SLC25A21: variants seen among roughly 807,000 people sequenced by gnomAD.
SLC25A21 encodes the protein mitochondrial 2-oxodicarboxylate carrier.
A neutral mutation model predicts 43.8 loss-of-function variants in SLC25A21; 47 were observed. The ratio of observed to expected loss-of-function variants is 1.07; its 90% CI spans 0.85 to 1.37. The LOEUF is 1.37. Among genes scored for constraint, SLC25A21 ranks in the 40% most tolerant of loss-of-function variants. The pLI is 0.00. For synonymous variants in SLC25A21, 131 were observed against 121.3 expected, an observed-to-expected ratio of 1.08 and a Z score of -0.52; for missense variants, 352 against 350.2, an observed-to-expected ratio of 1.00 and a Z score of -0.04.
chr14:37,053,141 G>A (rs1264166115), intron 1 of SLC25A21, among the ~76,000 whole-genome samples: 5 of 152,170 alleles, frequency 3.3e-5, no homozygotes, highest in Non-Finnish European at 7.4e-5. Context: ...AAATTGAATT[G>A]TTGTTAGGCT....
intron 1 of SLC25A21, among the ~76,000 whole-genome samples, chr14:36,911,908 C>G (rs1594687527): frequency 6.6e-6 from 1 of 152,244 alleles, no homozygotes; most frequent in East Asian, 1.9e-4. Flanking sequence ...AGTGCATGCT[C>G]TTAACCACTT....
At chr14:36,706,618 T>C (rs1347779614) in intron 7 of SLC25A21, among the ~76,000 whole-genome samples, 2 of 152,178 alleles carry the variant, frequency 1.3e-5, no homozygotes, top group Admixed American at 6.5e-5. Flanking sequence ...TTTCAGTTGT[T>C]TTCTTTCCCA....
At chr14:37,138,018 T>TG (rs755497834) in intron 1 of SLC25A21, among the ~76,000 whole-genome samples, 3 of 152,214 alleles carry the variant, frequency 2.0e-5, no homozygotes, top group Non-Finnish European at 2.9e-5. Flanking sequence ...GATGCCTTTT[T>TG]GCCTTCATTT....
chr14:37,034,041 G>T (rs1961274874), intron 1 of SLC25A21, among the ~76,000 whole-genome samples: 1 of 151,670 alleles, frequency 6.6e-6, no homozygotes, highest in Admixed American at 6.6e-5. Context: ...TTTTGAGATG[G>T]AGTCTCACTC....
At chr14:36,757,258 A>C (rs1023851945) in intron 3 of SLC25A21, among the ~76,000 whole-genome samples, 2 of 152,178 alleles carry the variant, frequency 1.3e-5, no homozygotes, top group African/African-American at 4.8e-5. Context: ...ATCCTGTCTC[A>C]AATAAAAATA....
chr14:36,836,174 C>G (rs1889202940), intron 2 of SLC25A21, among the ~76,000 whole-genome samples: 1 of 152,152 alleles, frequency 6.6e-6, no homozygotes, highest in Non-Finnish European at 1.5e-5. Flanking sequence ...AACGGGAGTG[C>G]TCTTAAAAAG....
chr14:36,720,966 G>C (rs1884350827), intron 6 of SLC25A21, among the ~76,000 whole-genome samples: 2 of 152,192 alleles, frequency 1.3e-5, no homozygotes, highest in East Asian at 3.9e-4. Context: ...CACACTGAGG[G>C]AGAAGACCCT....
intron 1 of SLC25A21, among the ~76,000 whole-genome samples, chr14:37,036,163 C>T (rs759762916): frequency 2.6e-4 from 39 of 152,106 alleles, no homozygotes; most frequent in Non-Finnish European, 4.0e-4. Context: ...TGCAGAAAGC[C>T]AAACATCTTC....
intron 1 of SLC25A21, among the ~76,000 whole-genome samples, chr14:36,988,913 G>A (rs761332626): frequency 9.9e-5 from 15 of 152,134 alleles, no homozygotes; most frequent in Non-Finnish European, 2.1e-4. Context: ...TGATAATGAT[G>A]GGATGAAAAT....
At chr14:37,072,619 C>T (rs1477565247) in intron 1 of SLC25A21, among the ~76,000 whole-genome samples, 2 of 152,182 alleles carry the variant, frequency 1.3e-5, no homozygotes, top group Non-Finnish European at 2.9e-5. Context: ...TGGTGGTGCA[C>T]ACCTCTAGGC....
intron 1 of SLC25A21, among the ~76,000 whole-genome samples, chr14:37,089,535 C>A (rs564789199): frequency 6.6e-6 from 1 of 152,304 alleles, no homozygotes; most frequent in East Asian, 1.9e-4. Flanking sequence ...AAAAACGTTT[C>A]TGCTGCCTTT....
At chr14:37,160,592 A>C (rs1436489171) in intron 1 of SLC25A21, among the ~76,000 whole-genome samples, 1 of 152,082 alleles carries the variant, frequency 6.6e-6, no homozygotes, top group African/African-American at 2.4e-5. Context: ...GGGCAAGGAT[A>C]AAGAGAAGTA....
At chr14:37,073,434 C>A (rs950401839) in intron 1 of SLC25A21, among the ~76,000 whole-genome samples, 15 of 152,262 alleles carry the variant, frequency 9.9e-5, no homozygotes, top group African/African-American at 3.6e-4. Context: ...CAGGCTGCTC[C>A]TGTCCTGGCT....
At chr14:37,085,227 C>A (rs940258815) in intron 1 of SLC25A21, among the ~76,000 whole-genome samples, 1 of 152,166 alleles carries the variant, frequency 6.6e-6, no homozygotes, top group Non-Finnish European at 1.5e-5. Context: ...TTAAAACAGA[C>A]AACACGCCAC....
chr14:37,157,379 T>C (rs1159188607), intron 1 of SLC25A21, among the ~76,000 whole-genome samples: 3 of 151,658 alleles, frequency 2.0e-5, no homozygotes, highest in Admixed American at 1.3e-4. Context: ...AAAAAAAAAA[T>C]CATATCAAGT....
chr14:37,103,445 G>C (rs1293510432), intron 1 of SLC25A21, among the ~76,000 whole-genome samples: 1 of 151,986 alleles, frequency 6.6e-6, no homozygotes, highest in Non-Finnish European at 1.5e-5. Flanking sequence ...AGTCACCATG[G>C]GACAACTACC....
intron 1 of SLC25A21, among the ~76,000 whole-genome samples, chr14:37,061,123 T>C (rs144590156): frequency 6.6e-6 from 1 of 152,256 alleles, no homozygotes; most frequent in East Asian, 1.9e-4. Flanking sequence ...GAGATTCTTA[T>C]GGTAACAGTC....
intron 1 of SLC25A21, among the ~76,000 whole-genome samples, chr14:36,928,544 T>C (rs1228053757): frequency 1.3e-5 from 2 of 152,174 alleles, no homozygotes; most frequent in Non-Finnish European, 2.9e-5. Context: ...TATCCTCAAA[T>C]GTATTTATCC....
chr14:36,917,847 T>A (rs1186845507), intron 1 of SLC25A21, among the ~76,000 whole-genome samples: 1 of 152,156 alleles, frequency 6.6e-6, no homozygotes, highest in Non-Finnish European at 1.5e-5. Context: ...CAGAGAAAGC[T>A]GAAGATTCAG....
Sources: gnomAD v4.1 joint callset for allele counts (sites outside exome capture counted in the v4.1 genomes callset) on GRCh38, gnomAD v4.1.1 for gene constraint, MANE v1.5 for transcripts, NCBI Gene and HGNC (gene_info 2026-07-23, HGNC 2026-07-21) for gene names.